The following STT3B variants were observed in gnomAD, a reference collection of about 807,000 sequenced individuals.
The protein encoded by STT3B is STT3 oligosaccharyltransferase complex catalytic subunit B.
STT3B carries 29 observed loss-of-function variants against 96.8 expected under a neutral mutation model. That is an observed-to-expected ratio of 0.30 (90% CI 0.22 to 0.41). The LOEUF (loss-of-function observed/expected upper bound fraction) is 0.41, where lower values mean the gene tolerates loss of function less well. Ranked by LOEUF, STT3B falls within the 10% of genes least tolerant of loss-of-function variation. STT3B has a pLI of 1.00. For missense variants in STT3B, 640 were observed against 1,022.3 expected (o/e 0.63, Z 5.10); for synonymous variants, 367 against 360.0 (o/e 1.02, Z -0.22).
intron 3 of STT3B, among the ~76,000 whole-genome samples, chr3:31,585,913 T>C (rs1052533818): frequency 2.6e-5 from 4 of 152,096 alleles, no homozygotes; most frequent in African/African-American, 9.7e-5. Context: ...GGCTATAAAA[T>C]GTTTGCTTGT....
At position 31,598,632 on chromosome 3, in the gene STT3B, T is replaced by G. The variant is rs546925850; in HGVS notation, c.778-1728T>G. On this transcript the variant is annotated intron_variant, in intron 4 of 15. Coordinates refer to ENST00000295770, the MANE Select transcript of STT3B (RefSeq NM_178862.3). The stretch of plus-strand genomic sequence containing the variant: ...GATCATGCATAAGATCAGCAAGTAC[T>G]TTTCAGAACATCAGATTCACTGTCA... 8.5e-5 allele frequency among the ~76,000 whole-genome samples: 13 copies of G among 152,314 alleles called. No individual in the cohort carries two copies. The South Asian group carries it at 2.7e-3, about 32-fold the overall frequency.
chr3:31,534,590 A>G (rs1697037966), intron 1 of STT3B, among the ~76,000 whole-genome samples: 1 of 152,212 alleles, frequency 6.6e-6, no homozygotes, highest in Non-Finnish European at 1.5e-5. Context: ...TATATAGATA[A>G]TAAGTGTTCG....
At chr3:31,561,792 A>T (rs1404106392) in intron 1 of STT3B, among the ~76,000 whole-genome samples, 1 of 151,812 alleles carries the variant, frequency 6.6e-6, no homozygotes, top group Non-Finnish European at 1.5e-5. Context: ...GTTGGAGAGA[A>T]TTTTTTCCTG....
At chr3:31,572,839 A>C (rs1698189862) in intron 1 of STT3B, among the ~76,000 whole-genome samples, 2 of 152,346 alleles carry the variant, frequency 1.3e-5, no homozygotes, top group South Asian at 4.1e-4. Flanking sequence ...AAGCATGGGC[A>C]ACCGAAACAA....
In STT3B at chr3:31,637,002, A is replaced by T. The variant is rs1575452805; in HGVS notation, c.*938A>T. On this transcript the variant is annotated 3_prime_UTR_variant, in exon 16 of 16. Transcript: ENST00000295770. Reference sequence around the variant, plus strand: ...TTGCCTGGACTTTTTTCATTTTACAACAGTTCATCCATTCACAATGATTTT... The same window carrying T: ...TTGCCTGGACTTTTTTCATTTTACATCAGTTCATCCATTCACAATGATTTT... 6.6e-6 allele frequency: 1 copy of T among 152,160 alleles called. No individual in the cohort carries two copies. The highest frequency in any genetic ancestry group is 2.4e-5 in the African/African-American group (1 of 41,442). 9.4% of individuals were successfully genotyped at this position (152,160 alleles called of 1,614,324 possible). A position where few individuals can be genotyped will look rare whatever the true frequency, so the allele number is the denominator to read the frequency against.
intron 1 of STT3B, among the ~76,000 whole-genome samples, chr3:31,547,534 T>C (rs1697446128): frequency 6.6e-6 from 1 of 152,186 alleles, no homozygotes; most frequent in South Asian, 2.1e-4. Flanking sequence ...TAATCCCAGC[T>C]ACTCGAGAGG....
At chr3:31,589,057 C>G (rs1349274148) in intron 3 of STT3B, among the ~76,000 whole-genome samples, 2 of 152,016 alleles carry the variant, frequency 1.3e-5, no homozygotes, top group Admixed American at 6.6e-5. Context: ...ACATTGTCTT[C>G]CTATCATAAA....
At chr3:31,617,186 C>CTTTTT (rs5847707) in intron 7 of STT3B, 111 bp downstream of exon 7, 52 of 495,242 alleles carry the variant, frequency 1.0e-4, no homozygotes, top group South Asian at 1.4e-4. Flanking sequence ...TGATTTTTTT[C>CTTTTT]TTTTTTTTTT....
rs541908349 is a variant in STT3B at position 31,571,681 on chromosome 3, A to C, written c.315-4715A>C. 1.1e-4 allele frequency among the ~76,000 whole-genome samples: 17 copies of C among 152,218 alleles called. No homozygotes were observed. In the East Asian group the frequency reaches 3.1e-3, roughly 28 times the overall value. On this transcript the variant is annotated intron_variant, in intron 1 of 15. Coordinates refer to ENST00000295770, the MANE Select transcript of STT3B (RefSeq NM_178862.3). The stretch of plus-strand genomic sequence containing the variant: ...CATATTTACATGAACAGAGGAAAAG[A>C]AAATCAGGCAGCTAAAGCTGGAGGA...
intron 3 of STT3B, 58 bp downstream of exon 3, chr3:31,580,154 C>A (rs1698350986): frequency 1.3e-6 from 2 of 1,532,714 alleles, no homozygotes; most frequent in African/African-American, 1.4e-5. Context: ...TCCTGAAACA[C>A]TTTAGGCTGT....
intron 8 of STT3B, among the ~76,000 whole-genome samples, chr3:31,618,559 A>G (rs923911124): frequency 1.3e-4 from 20 of 151,994 alleles, no homozygotes; most frequent in African/African-American, 4.6e-4. Flanking sequence ...CCTGGAGATT[A>G]GAAAATATCT....
intron 6 of STT3B, among the ~76,000 whole-genome samples, chr3:31,615,661 A>C (rs554282589): frequency 4.6e-5 from 7 of 151,892 alleles, no homozygotes; most frequent in Non-Finnish European, 1.0e-4. Context: ...AGAGAGATGT[A>C]TATTTAGTGT....
chr3:31,549,718 CAATA>C (rs1054088175), intron 1 of STT3B, among the ~76,000 whole-genome samples: 2 of 151,618 alleles, frequency 1.3e-5, no homozygotes, highest in African/African-American at 4.9e-5. Context: ...TATCTAGTAA[CAATA>C]AAGAAATGTA....
intron 1 of STT3B, among the ~76,000 whole-genome samples, chr3:31,567,975 G>A (rs1472743975): frequency 6.7e-6 from 1 of 149,102 alleles, no homozygotes; most frequent in Non-Finnish European, 1.5e-5. Flanking sequence ...TTTTGTATCC[G>A]TTACCCCTCC....
At chr3:31,582,252 T>G (rs1698422494) in intron 3 of STT3B, among the ~76,000 whole-genome samples, 1 of 151,778 alleles carries the variant, frequency 6.6e-6, no homozygotes, top group African/African-American at 2.4e-5. Context: ...TTTATTCAAT[T>G]TTGTCTTTCT....
chr3:31,575,208 C>T (rs2125451395), intron 1 of STT3B, among the ~76,000 whole-genome samples: 1 of 152,244 alleles, frequency 6.6e-6, no homozygotes, highest in Middle Eastern at 3.4e-3. Context: ...ACCAAGGTCA[C>T]ATAGCTGGTC....
intron 5 of STT3B, among the ~76,000 whole-genome samples, chr3:31,601,359 T>C (rs910101243): frequency 6.6e-6 from 1 of 152,202 alleles, no homozygotes; most frequent in African/African-American, 2.4e-5. Flanking sequence ...AATGGTGTAT[T>C]ATTAAGCCAT....
At chr3:31,589,614 G>T (rs1698620744) in intron 3 of STT3B, among the ~76,000 whole-genome samples, 1 of 151,888 alleles carries the variant, frequency 6.6e-6, no homozygotes, top group African/African-American at 2.4e-5. Context: ...AGATCTAGTT[G>T]TCTGTACTGA....
At chr3:31,563,757 T>C (rs1697935147) in intron 1 of STT3B, among the ~76,000 whole-genome samples, 1 of 152,190 alleles carries the variant, frequency 6.6e-6, no homozygotes, top group Admixed American at 6.5e-5. Flanking sequence ...AGTGTTAGGA[T>C]AGAGCCAGAA....
Sources: gnomAD v4.1 joint callset for allele counts (sites outside exome capture counted in the v4.1 genomes callset) on GRCh38, gnomAD v4.1.1 for gene constraint, MANE v1.5 for transcripts, NCBI Gene and HGNC (gene_info 2026-07-23, HGNC 2026-07-21) for gene names.